Variants in BCAR3 observed in about 807,000 individuals in gnomAD.
The protein encoded by BCAR3 is BCAR3 adaptor protein, NSP family member, also known as breast cancer anti-estrogen resistance protein 3.
BCAR3 carries 37 observed loss-of-function variants against 80.1 expected under a neutral mutation model. The observed-to-expected ratio is 0.46, with a 90% CI of 0.36 to 0.61. BCAR3 has a LOEUF of 0.61. BCAR3 is among the 20% of genes least tolerant of loss of function. The pLI, the probability that BCAR3 is intolerant of heterozygous loss-of-function variation, is 0.00. For synonymous variants in BCAR3, 389 were observed against 418.9 expected (o/e 0.93, Z 0.87); for missense variants, 978 against 1,068.2 (o/e 0.92, Z 1.18).
chr1:93,706,294 C>A (rs1265775835), intron 2 of BCAR3, among the ~76,000 whole-genome samples: 4 of 152,150 alleles, frequency 2.6e-5, no homozygotes, highest in African/African-American at 9.7e-5. Flanking sequence ...CTCCTGGAGT[C>A]ACCTTCTCTG....
chr1:93,634,047 C>T (rs568477916), intron 3 of BCAR3, among the ~76,000 whole-genome samples: 16 of 152,338 alleles, frequency 1.1e-4, no homozygotes, highest in Middle Eastern at 3.4e-3. Context: ...ACTACAATCA[C>T]GATATTTCTA....
intron 2 of BCAR3, among the ~76,000 whole-genome samples, chr1:93,726,633 A>G (rs747380297): frequency 4.6e-5 from 7 of 152,172 alleles, no homozygotes; most frequent in Non-Finnish European, 7.3e-5. Context: ...ACTTTTGCCC[A>G]CAATCTGGAT....
At chr1:93,700,775 T>C (rs76939105) in intron 3 of BCAR3, among the ~76,000 whole-genome samples, 4,981 of 152,334 alleles carry the variant, frequency 0.033, 269 homozygotes, top group African/African-American at 0.11. Flanking sequence ...AGTCGGGAGC[T>C]GTCTTTCAGC....
intron 3 of BCAR3, among the ~76,000 whole-genome samples, chr1:93,597,544 G>T (rs1006337031): frequency 1.3e-5 from 2 of 152,194 alleles, no homozygotes; most frequent in Non-Finnish European, 2.9e-5. Context: ...AGAGCCTCAG[G>T]CTCCTCATCT....
Position 93,583,088 on chromosome 1 carries a change from A to C in BCAR3, c.1034-135T>G, listed in dbSNP as rs1673785387. 5 of 1,104,514 alleles carry C rather than the reference A, an allele frequency of 4.5e-6. No individual in the cohort carries two copies. The South Asian group carries it at 8.3e-5, about 18-fold the overall frequency. The allele number at this position is 1,104,514 out of a possible 1,614,324, so 68.4% of individuals were successfully genotyped here. On this transcript the variant is annotated intron_variant, in intron 6 of 11. Transcript: ENST00000260502. ...ATTTTCATTTTCATTTCCAAAAGAA[A>C]ATTCAGTGTGACTGTCCCACGCCCA...
At chr1:93,677,729 C>G (rs533247093) in intron 1 of BCAR3, among the ~76,000 whole-genome samples, 1 of 152,096 alleles carries the variant, frequency 6.6e-6, no homozygotes, top group Non-Finnish European at 1.5e-5. Context: ...GGGGACCCAC[C>G]CCTGCAGGAA....
chr1:93,739,207 C>T (rs919227919), intron 2 of BCAR3, among the ~76,000 whole-genome samples: 5 of 152,206 alleles, frequency 3.3e-5, no homozygotes, highest in Admixed American at 2.6e-4. Context: ...TGACAGCTGC[C>T]GCAACCTTAG....
intron 3 of BCAR3, among the ~76,000 whole-genome samples, chr1:93,704,561 T>C (rs114837180): frequency 0.019 from 2,820 of 152,310 alleles, 95 homozygotes; most frequent in African/African-American, 0.065. Flanking sequence ...TTAGCTATTA[T>C]ACTACACTTC....
At chr1:93,645,760 T>C (rs937068844) in intron 2 of BCAR3, among the ~76,000 whole-genome samples, 2 of 150,130 alleles carry the variant, frequency 1.3e-5, no homozygotes, top group East Asian at 1.9e-4. Context: ...TATAAATATA[T>C]AATTTTATAA....
At chr1:93,748,385 C>T (rs542106442) in intron 2 of BCAR3, among the ~76,000 whole-genome samples, 47 of 152,302 alleles carry the variant, frequency 3.1e-4, no homozygotes, top group African/African-American at 1.1e-3. Context: ...GATATCCTTT[C>T]CTTCACCTAA....
intron 2 of BCAR3, among the ~76,000 whole-genome samples, chr1:93,813,859 TATTGCATTTA>T: frequency 6.6e-6 from 1 of 152,250 alleles, no homozygotes. Flanking sequence ...ATCAATCATT[TATTGCATTTA>T]ATTGCATTTA....
intron 2 of BCAR3, among the ~76,000 whole-genome samples, chr1:93,801,846 G>T (rs1399852308): frequency 6.6e-6 from 1 of 152,184 alleles, no homozygotes; most frequent in African/African-American, 2.4e-5. Context: ...TTGGCCAGGC[G>T]CAGTGGCTCA....
intron 1 of BCAR3, chr1:93,846,943 A>T: frequency 2.3e-6 from 1 of 442,944 alleles, no homozygotes; most frequent in Non-Finnish European, 4.6e-6. Flanking sequence ...CCGCGCAAAT[A>T]AACACGCACA....
intron 3 of BCAR3, chr1:93,599,123 A>C (rs1674537384): frequency 6.6e-6 from 1 of 152,142 alleles, no homozygotes; most frequent in Admixed American, 6.5e-5. Flanking sequence ...GCCTGTACCA[A>C]GTTGGTCCAA....
At chr1:93,746,646 C>T (rs998353801) in intron 2 of BCAR3, among the ~76,000 whole-genome samples, 8 of 152,124 alleles carry the variant, frequency 5.3e-5, no homozygotes, top group Admixed American at 1.3e-4. Context: ...GCTCAAAAAC[C>T]CAACTCCACA....
intron 3 of BCAR3, among the ~76,000 whole-genome samples, chr1:93,698,841 C>T (rs1054177259): frequency 4.6e-5 from 7 of 152,226 alleles, no homozygotes; most frequent in African/African-American, 1.4e-4. Flanking sequence ...ACCTTAACAG[C>T]ATCCACTACT....
chr1:93,727,235 T>C (rs1007961962), intron 2 of BCAR3, among the ~76,000 whole-genome samples: 1 of 152,204 alleles, frequency 6.6e-6, no homozygotes, highest in African/African-American at 2.4e-5. Flanking sequence ...ATGCATTAAT[T>C]TGGAACCACA....
chr1:93,664,630 A>T (rs899365654), intron 2 of BCAR3, among the ~76,000 whole-genome samples: 1 of 152,210 alleles, frequency 6.6e-6, no homozygotes, highest in African/African-American at 2.4e-5. Context: ...ACTGGTTGAT[A>T]AAAACTTGAC....
chr1:93,804,902 C>T (rs565447817), intron 2 of BCAR3, among the ~76,000 whole-genome samples: 3 of 152,254 alleles, frequency 2.0e-5, no homozygotes, highest in Admixed American at 6.5e-5. Flanking sequence ...TTATGTTTCA[C>T]GTCTTTTGGG....
Sources: allele counts gnomAD v4.1 joint callset (sites outside exome capture counted in the v4.1 genomes callset), GRCh38; gene constraint gnomAD v4.1.1; transcripts MANE v1.5; gene names NCBI Gene and HGNC (gene_info 2026-07-23, HGNC 2026-07-21).